The following ANKS1B variants were observed in gnomAD, a reference collection of about 807,000 sequenced individuals.
ANKS1B encodes ankyrin repeat and sterile alpha motif domain containing 1B, also known as ankyrin repeat and sterile alpha motif domain-containing protein 1B.
ANKS1B carries 36 observed loss-of-function variants against 148.3 expected under a neutral mutation model. The observed-to-expected ratio is 0.24, with a 90% CI of 0.19 to 0.32. The LOEUF (loss-of-function observed/expected upper bound fraction) is 0.32. ANKS1B is among the 10% of genes least tolerant of loss of function. The pLI, the probability that ANKS1B is intolerant of heterozygous loss-of-function variation, is 1.00. For synonymous variants in ANKS1B, 542 were observed against 560.8 expected (o/e 0.97, Z 0.47); for missense variants, 1,157 against 1,542.6 (o/e 0.75, Z 4.19).
chr12:99,519,486 G>C (rs1319178294), intron 9 of ANKS1B, among the ~76,000 whole-genome samples: 1 of 152,028 alleles, frequency 6.6e-6, no homozygotes, highest in African/African-American at 2.4e-5. Context: ...TTCTTTGTCT[G>C]ACTTGTCTTA....
chr12:99,088,838 GTTTTTT>G (rs386377539), intron 15 of ANKS1B, among the ~76,000 whole-genome samples: 1 of 69,848 alleles, frequency 1.4e-5, no homozygotes, highest in Non-Finnish European at 2.4e-5. Flanking sequence ...TTTAACTTCT[GTTTTTT>G]TTTTTTTTTT....
At chr12:99,359,413 A>C (rs970199080) in intron 12 of ANKS1B, among the ~76,000 whole-genome samples, 4 of 152,132 alleles carry the variant, frequency 2.6e-5, no homozygotes, top group Non-Finnish European at 4.4e-5. Flanking sequence ...GCTTGAATAA[A>C]ACCATAAATA....
intron 16 of ANKS1B, among the ~76,000 whole-genome samples, chr12:99,074,426 G>C (rs1404810578): frequency 6.6e-6 from 1 of 152,084 alleles, no homozygotes; most frequent in African/African-American, 2.4e-5. Flanking sequence ...ACTTGGAGCA[G>C]AGCATGGGTA....
chr12:99,326,989 T>C (rs940049926), intron 12 of ANKS1B, among the ~76,000 whole-genome samples: 1 of 138,630 alleles, frequency 7.2e-6, no homozygotes, highest in African/African-American at 2.8e-5. Context: ...ATTTTATATA[T>C]AATATATAAT....
At chr12:99,571,059 A>G (rs1403666514) in intron 9 of ANKS1B, among the ~76,000 whole-genome samples, 3 of 152,270 alleles carry the variant, frequency 2.0e-5, no homozygotes, top group East Asian at 3.9e-4. Flanking sequence ...TATTTTACAT[A>G]TTAAAGTACA....
At chr12:99,742,174 GATAAA>G (rs1205432078) in intron 8 of ANKS1B, among the ~76,000 whole-genome samples, 1 of 150,886 alleles carries the variant, frequency 6.6e-6, no homozygotes, top group East Asian at 2.0e-4. Context: ...ATACCTCGGT[GATAAA>G]ATAATATGTA....
chr12:99,358,345 C>T (rs976022195), intron 12 of ANKS1B, among the ~76,000 whole-genome samples: 2 of 152,062 alleles, frequency 1.3e-5, no homozygotes, highest in African/African-American at 2.4e-5. Context: ...ATTTTACCCC[C>T]TCTAAATAGT....
intron 15 of ANKS1B, among the ~76,000 whole-genome samples, chr12:99,148,145 CAGCTTTGG>C (rs1379328190): frequency 6.6e-6 from 1 of 152,048 alleles, no homozygotes; most frequent in Non-Finnish European, 1.5e-5. Flanking sequence ...TGTAATTCAG[CAGCTTTGG>C]TAACTTTTCT....
chr12:99,861,603 A>G (rs1411040769), intron 1 of ANKS1B, among the ~76,000 whole-genome samples: 2 of 152,180 alleles, frequency 1.3e-5, no homozygotes, highest in African/African-American at 2.4e-5. Flanking sequence ...AGGAATATCT[A>G]CGAATAATAA....
intron 1 of ANKS1B, among the ~76,000 whole-genome samples, chr12:99,934,315 C>T (rs1715383934): frequency 6.6e-6 from 1 of 151,932 alleles, no homozygotes; most frequent in Non-Finnish European, 1.5e-5. Context: ...AAACTACTTC[C>T]ATTTTTCAGA....
intron 25 of ANKS1B, among the ~76,000 whole-genome samples, chr12:98,756,381 T>C (rs924228970): frequency 3.0e-4 from 45 of 152,078 alleles, no homozygotes; most frequent in African/African-American, 1.0e-3. Context: ...TCCCCAGCCA[T>C]GTGGAACTGT....
Position 98,744,932 on chromosome 12 carries a change from C to G in ANKS1B, c.*807G>C, listed in dbSNP as rs1369264380. 2.0e-6 allele frequency: 2 copies of G among 985,638 alleles called. No individual in the cohort carries two copies. The highest frequency in any genetic ancestry group is 2.4e-6 in the Non-Finnish European group (2 of 829,922). 61.1% of individuals were successfully genotyped at this position (985,638 alleles called of 1,614,324 possible). On this transcript the variant is annotated 3_prime_UTR_variant, in exon 27 of 27. Transcript: ENST00000683438. Reference sequence around the variant, plus strand: ...AGTATTTTGCCACCACTGAGCCAGTCCTCTTGGTAGTAGCAGTAGAAATTT... The same window carrying G: ...AGTATTTTGCCACCACTGAGCCAGTGCTCTTGGTAGTAGCAGTAGAAATTT...
intron 9 of ANKS1B, among the ~76,000 whole-genome samples, chr12:99,632,430 C>T (rs2098170554): frequency 1.3e-5 from 2 of 151,858 alleles, no homozygotes; most frequent in Admixed American, 6.6e-5. Context: ...CTGCATAGGG[C>T]AGTACCTAGT....
At chr12:99,778,953 CCCT>C (rs1273959411) in intron 6 of ANKS1B, among the ~76,000 whole-genome samples, 2 of 152,204 alleles carry the variant, frequency 1.3e-5, no homozygotes, top group African/African-American at 4.8e-5. Context: ...TATCTCACCA[CCCT>C]CCTCTATCAT....
chr12:99,195,164 A>T (rs1388768663), intron 14 of ANKS1B, among the ~76,000 whole-genome samples: 1 of 152,158 alleles, frequency 6.6e-6, no homozygotes, highest in Non-Finnish European at 1.5e-5. Context: ...ATGCCAATAT[A>T]TTAGATGGTG....
Position 99,782,114 on chromosome 12 carries a change from AAG to A in ANKS1B, c.670-19_670-18del. 1 of 1,567,368 alleles carries A rather than the reference AAG, an allele frequency of 6.4e-7. No homozygotes were observed. The highest frequency in any genetic ancestry group is 1.2e-5 in the South Asian group (1 of 83,634). On this transcript the variant is annotated intron_variant, in intron 4 of 26. Transcript: ENST00000683438. ...CTTTTCTGTCTGGAAAAAAAAAAGTAAGAAAAAAGAAAGCACGGTTGCATTTG... is the reference window on the plus strand; with the variant it reads ...CTTTTCTGTCTGGAAAAAAAAAAGTAAAAAAAGAAAGCACGGTTGCATTTG...
intron 22 of ANKS1B, among the ~76,000 whole-genome samples, chr12:98,798,018 C>T (rs930286223): frequency 5.3e-5 from 8 of 152,022 alleles, no homozygotes; most frequent in Non-Finnish European, 1.0e-4. Flanking sequence ...ACAAGGGACA[C>T]GTACAAAAGG....
At chr12:98,965,478 A>T (rs2099877046) in intron 17 of ANKS1B, among the ~76,000 whole-genome samples, 1 of 152,180 alleles carries the variant, frequency 6.6e-6, no homozygotes, top group African/African-American at 2.4e-5. Context: ...TGTGAATATG[A>T]TCTACTAGTT....
intron 9 of ANKS1B, among the ~76,000 whole-genome samples, chr12:99,615,079 G>A (rs2097941729): frequency 6.6e-6 from 1 of 152,004 alleles, no homozygotes; most frequent in South Asian, 2.1e-4. Context: ...AAAACTATGG[G>A]AAATTTTGAA....
Sources: allele counts gnomAD v4.1 joint callset (sites outside exome capture counted in the v4.1 genomes callset), GRCh38; gene constraint gnomAD v4.1.1; transcripts MANE v1.5; gene names NCBI Gene and HGNC (gene_info 2026-07-23, HGNC 2026-07-21).